VAV1: variants seen among roughly 807,000 people sequenced by gnomAD.
The protein encoded by VAV1 is proto-oncogene vav.
A neutral mutation model predicts 128.1 loss-of-function variants in VAV1; 33 were observed. The observed-to-expected ratio is 0.26, with a 90% CI of 0.20 to 0.34. The LOEUF (loss-of-function observed/expected upper bound fraction) is 0.34, where lower values mean the gene tolerates loss of function less well. VAV1 is among the 10% of genes least tolerant of loss of function. The pLI is 1.00. For missense variants in VAV1, 715 were observed against 1,093.7 expected (o/e 0.65, Z 4.88); for synonymous variants, 394 against 409.8 (o/e 0.96, Z 0.47).
In VAV1 at chr19:6,794,526, G is replaced by C. The variant is rs547393017; in HGVS notation, c.204+21515G>C. Among the ~76,000 whole-genome samples the C allele has an allele frequency of 3.7e-4, 56 of 152,186 alleles. No homozygotes were observed. The South Asian group carries it at 0.011, about 31-fold the overall frequency. The stretch of plus-strand genomic sequence containing the variant: ...TCTCAAAACAAAACAAAAAAACAAA[G>C]AGGATAACCAGATGGGTGTGGTGTC... On this transcript the variant is annotated intron_variant, in intron 1 of 26. Transcript: ENST00000602142.
rs112320926 is a variant in VAV1 at position 6,788,783 on chromosome 19, G to T, written c.204+15772G>T. Among the ~76,000 whole-genome samples the T allele has an allele frequency of 7.1e-3, 1,084 of 152,280 alleles. 13 individuals carry two copies. The highest frequency in any genetic ancestry group is 0.025 in the African/African-American group (1,041 of 41,544). On this transcript the variant is annotated intron_variant, in intron 1 of 26. Transcript: ENST00000602142. ...ACCATGCTCTGATGGGCCAGGCCAG[G>T]GTCATGTGCCTATTCCTTGAGTTGA... is the stretch of plus-strand genomic sequence containing the variant.
intron 1 of VAV1, among the ~76,000 whole-genome samples, chr19:6,790,213 G>C (rs1413308392): frequency 6.6e-6 from 1 of 152,056 alleles, no homozygotes; most frequent in Admixed American, 6.6e-5. Flanking sequence ...GCTGGGGAGA[G>C]GAAGAGGGGA....
In VAV1 at chr19:6,820,615, A is replaced by AT; in HGVS notation, c.205-87_205-86insT. ...GTCTGTGCTTTCATTTCCCCTCCAC[A>AT]CCAGTCCCCAAGCTAGGTGGCCTGG... On this transcript the variant is annotated intron_variant, in intron 1 of 26. Coordinates refer to ENST00000602142, the MANE Select transcript of VAV1 (RefSeq NM_005428.4). This position sits in a 1 kb window ranked among gnomAD's most constrained non-coding sequence, Gnocchi z 4.4. 1 of 1,013,740 alleles carries AT rather than the reference A, an allele frequency of 9.9e-7. No homozygotes were observed. The highest frequency in any genetic ancestry group is 1.6e-6 in the Non-Finnish European group (1 of 641,568). 62.8% of individuals were successfully genotyped at this position (1,013,740 alleles called of 1,614,324 possible). A position where few individuals can be genotyped will look rare whatever the true frequency, so the allele number is the denominator to read the frequency against.
At chr19:6,847,059 G>A (rs906533408) in intron 22 of VAV1, among the ~76,000 whole-genome samples, 3 of 151,570 alleles carry the variant, frequency 2.0e-5, no homozygotes, top group South Asian at 2.1e-4. Context: ...GATTACAGGC[G>A]CCCGCCATCA....
intron 1 of VAV1, among the ~76,000 whole-genome samples, chr19:6,799,947 G>A (rs1971228411): frequency 1.3e-5 from 2 of 151,224 alleles, no homozygotes; most frequent in African/African-American, 4.9e-5. Context: ...CATTTCTCTT[G>A]AGTAAATGCC....
At position 6,782,618 on chromosome 19, in the gene VAV1, C is replaced by G. The variant is rs188208966; in HGVS notation, c.204+9607C>G. Among the ~76,000 whole-genome samples, 885 of 152,296 alleles carry G rather than the reference C, an allele frequency of 5.8e-3. 9 individuals are homozygous for G. Among genetic ancestry groups the G allele is most frequent in the African/African-American group, 0.02 (849 of 41,564 alleles). ...ATTTTGCCAGGCACAATGGCTCACGCCTATAATCCCAACACTTTGGGAAGC... is the reference window on the plus strand; with the variant it reads ...ATTTTGCCAGGCACAATGGCTCACGGCTATAATCCCAACACTTTGGGAAGC... On this transcript the variant is annotated intron_variant, in intron 1 of 26. Transcript: ENST00000602142.
chr19:6,830,917 C>T (rs911248836), intron 14 of VAV1, among the ~76,000 whole-genome samples: 10 of 151,920 alleles, frequency 6.6e-5, no homozygotes, highest in African/African-American at 1.9e-4. Context: ...GGGAGATCCC[C>T]GTCTCTACAA....
chr19:6,814,671 C>CTTTCTTTTTCTTT (rs540074087), intron 1 of VAV1, among the ~76,000 whole-genome samples: 1 of 25,796 alleles, frequency 3.9e-5, no homozygotes, highest in Non-Finnish European at 7.1e-5. Context: ...TTCCTTCCTT[C>CTTTCTTTTTCTTT]CTTTCTTTCT....
intron 22 of VAV1, among the ~76,000 whole-genome samples, chr19:6,847,155 G>A (rs533007043): frequency 2.0e-5 from 3 of 151,988 alleles, no homozygotes; most frequent in South Asian, 2.1e-4. Context: ...CTTGTGATTC[G>A]CCCACCTCGG....
chr19:6,791,129 C>T (rs1332981504), intron 1 of VAV1, among the ~76,000 whole-genome samples: 1 of 152,228 alleles, frequency 6.6e-6, no homozygotes, highest in Admixed American at 6.5e-5. Flanking sequence ...CCTGGATGAT[C>T]CCAGATGGCC....
intron 19 of VAV1, chr19:6,835,826 T>C (rs1011829636): frequency 2.6e-5 from 4 of 152,250 alleles, no homozygotes; most frequent in Admixed American, 6.6e-5. Context: ...GGATATTGTG[T>C]ATAAAGCTGC....
intron 26 of VAV1, 87 bp from the exon 27 acceptor site, chr19:6,856,967 G>C: frequency 8.1e-7 from 1 of 1,229,606 alleles, no homozygotes; most frequent in Non-Finnish European, 1.2e-6. Flanking sequence ...CAAAGGCCCT[G>C]AGGTGGGAGG....
rs113498471 is a variant in VAV1, at chr19:6,850,136, CT to C, written c.2130-521del. On this transcript the variant is annotated intron_variant, in intron 23 of 26. Transcript: ENST00000602142. ...TTTTGGCTCCTGTGAATTTCCCTTACTTTTTTTTTTTTTGAGAGCTCAGCAA... is the reference window on the plus strand; with the variant it reads ...TTTTGGCTCCTGTGAATTTCCCTTACTTTTTTTTTTTTGAGAGCTCAGCAA... Among the ~76,000 whole-genome samples the C allele has an allele frequency of 8.9e-3, 1,003 of 112,656 alleles. 5 individuals are homozygous for C. The highest frequency in any genetic ancestry group is 0.025 in the African/African-American group (773 of 30,402). The allele number at this position is 112,656 out of a possible 152,430, so 73.9% of individuals were successfully genotyped here. A position where few individuals can be genotyped will look rare whatever the true frequency, so the allele number is the denominator to read the frequency against.
At chr19:6,847,071 G>A (rs1972541779) in intron 22 of VAV1, among the ~76,000 whole-genome samples, 1 of 151,842 alleles carries the variant, frequency 6.6e-6, no homozygotes, top group Non-Finnish European at 1.5e-5. Context: ...CCGCCATCAA[G>A]CCCAGCTAAT....
At chr19:6,851,888 C>T (rs976729093) in intron 24 of VAV1, among the ~76,000 whole-genome samples, 1 of 152,144 alleles carries the variant, frequency 6.6e-6, no homozygotes, top group African/African-American at 2.4e-5. Context: ...ATTTATTCAA[C>T]AAATCTTTTT....
chr19:6,829,647 G>C, intron 13 of VAV1, 139 bp from the exon 14 acceptor site: 1 of 1,275,488 alleles, frequency 7.8e-7, no homozygotes, highest in Non-Finnish European at 1.1e-6. Flanking sequence ...GTGAAGTCAG[G>C]ATGGACAGGT....
intron 1 of VAV1, among the ~76,000 whole-genome samples, chr19:6,805,146 C>T (rs1049264609): frequency 1.3e-5 from 2 of 151,612 alleles, no homozygotes; most frequent in Non-Finnish European, 2.9e-5. Context: ...GTGGTAAGGC[C>T]GGGCGCAGCG....
chr19:6,777,193 CCATCCATCCATTCATT>C lies in VAV1; in HGVS notation c.204+4195_204+4210del, dbSNP rs1419740340. ...TCTACTCATCTATCCATTCATCTAC[CCATCCATCCATTCATT>C]CATCCATCCATTTATCTGTTTAACT... On this transcript the variant is annotated intron_variant, in intron 1 of 26. Coordinates refer to ENST00000602142, the MANE Select transcript of VAV1 (RefSeq NM_005428.4). This position sits in a 1 kb window ranked among gnomAD's most constrained non-coding sequence, Gnocchi z 4.4. 1.6e-4 allele frequency among the ~76,000 whole-genome samples: 25 copies of C among 151,684 alleles called. No homozygotes were observed. The highest frequency in any genetic ancestry group is 2.9e-4 in the Non-Finnish European group (20 of 67,964).
intron 1 of VAV1, among the ~76,000 whole-genome samples, chr19:6,813,983 C>T (rs962791111): frequency 6.6e-6 from 1 of 152,020 alleles, no homozygotes; most frequent in Admixed American, 6.6e-5. Flanking sequence ...TCTTTTGAGC[C>T]CAAGAGGTCA....
Sources: allele counts gnomAD v4.1 joint callset (sites outside exome capture counted in the v4.1 genomes callset), GRCh38; gene constraint gnomAD v4.1.1; non-coding constraint Gnocchi (gnomAD v3.1); transcripts MANE v1.5; gene names NCBI Gene and HGNC (gene_info 2026-07-23, HGNC 2026-07-21).